The following MAP4K3 variants were observed in gnomAD, a reference collection of about 807,000 sequenced individuals.
MAP4K3 encodes the protein MAPK/ERK kinase kinase kinase 3.
A neutral mutation model predicts 143.5 loss-of-function variants in MAP4K3; 94 were observed. The observed-to-expected ratio is 0.65, with a 90% CI of 0.55 to 0.78. The LOEUF is 0.78. MAP4K3 is among the 30% of genes least tolerant of loss of function. The probability of loss-of-function intolerance (pLI) is 0.00; values close to 1 mark genes in which losing one functional copy is unlikely to be tolerated. For missense variants in MAP4K3, 1,077 were observed against 1,068.1 expected, an observed-to-expected ratio of 1.01 and a Z score of -0.12; for synonymous variants, 416 against 347.2, an observed-to-expected ratio of 1.20 and a Z score of -2.20.
intron 12 of MAP4K3, 143 bp downstream of exon 12, chr2:39,325,375 G>A: frequency 2.0e-6 from 1 of 503,636 alleles, no homozygotes; most frequent in Non-Finnish European, 3.5e-6. Flanking sequence ...CAAAGACAAA[G>A]AATTAATTGT....
chr2:39,405,458 A>G (rs1667069430), intron 1 of MAP4K3, among the ~76,000 whole-genome samples: 1 of 152,184 alleles, frequency 6.6e-6, no homozygotes, highest in African/African-American at 2.4e-5. Flanking sequence ...ACAAATACAA[A>G]CAAGCCCAGA....
At chr2:39,426,664 T>G (rs1411344798) in intron 1 of MAP4K3, among the ~76,000 whole-genome samples, 1 of 152,116 alleles carries the variant, frequency 6.6e-6, no homozygotes, top group Non-Finnish European at 1.5e-5. Context: ...TATTTTATTT[T>G]TATTATTCTC....
At chr2:39,333,598 T>TA (rs1683752427) in intron 6 of MAP4K3, 24 bp from the exon 7 acceptor site, 1 of 1,439,848 alleles carries the variant, frequency 6.9e-7, no homozygotes, top group Non-Finnish European at 9.8e-7. Context: ...ATATTTTAGT[T>TA]AGAGTAGGAA....
At chr2:39,399,699 G>C (rs566205308) in intron 1 of MAP4K3, among the ~76,000 whole-genome samples, 11 of 152,296 alleles carry the variant, frequency 7.2e-5, no homozygotes, top group Non-Finnish European at 1.3e-4. Context: ...ATGACTTTTA[G>C]AGAATCAGAA....
intron 15 of MAP4K3, among the ~76,000 whole-genome samples, chr2:39,301,790 C>T (rs1329603192): frequency 5.3e-5 from 8 of 152,094 alleles, no homozygotes; most frequent in African/African-American, 1.4e-4. Flanking sequence ...TCGGGAGGGC[C>T]GAGGCGGGCG....
intron 2 of MAP4K3, among the ~76,000 whole-genome samples, chr2:39,369,734 A>G (rs1468361290): frequency 2.6e-5 from 4 of 152,198 alleles, no homozygotes; most frequent in East Asian, 1.9e-4. Context: ...CCCACCAAAT[A>G]TAAGTTAGGC....
chr2:39,336,933 T>C lies in MAP4K3; in HGVS notation c.401A>G (p.His134Arg), dbSNP rs1310651901. The C allele has an allele frequency of 7.7e-7, 1 of 1,300,364 alleles. No homozygotes were observed. The highest frequency in any genetic ancestry group is 1.1e-6 in the Non-Finnish European group (1 of 928,134). The allele number at this position is 1,300,364 out of a possible 1,614,324, so 80.6% of individuals were successfully genotyped here. Residue 134 changes from histidine (H) to arginine (R), a missense_variant, in exon 6 of 34, where the codon CAC becomes CGC. His to Arg is a conservative substitution (Grantham distance 29). Around this residue, in one of 2 missense-constraint regions of MAP4K3, gnomAD observed 213 missense variants for 266.8 expected, o/e 0.80. Coordinates refer to ENST00000263881, the MANE Select transcript of MAP4K3 (RefSeq NM_003618.4). ...LYYLHSKGKMHRDIKGANILL... is the reference protein window; with the variant it reads ...LYYLHSKGKMRRDIKGANILL... Reference sequence around the variant, plus strand: ...TATAATGTATACCTTTATATCTCTGTGCATTTTTCCTTTACTGTGAAGATA... The same window carrying C: ...TATAATGTATACCTTTATATCTCTGCGCATTTTTCCTTTACTGTGAAGATA...
intron 26 of MAP4K3, among the ~76,000 whole-genome samples, chr2:39,269,669 A>G (rs1680930736): frequency 6.6e-6 from 1 of 152,072 alleles, no homozygotes; most frequent in Admixed American, 6.6e-5. Flanking sequence ...TAAGCTGTCA[A>G]AAACTGTTAC....
intron 21 of MAP4K3, among the ~76,000 whole-genome samples, chr2:39,284,661 T>C (rs1207170904): frequency 1.3e-5 from 2 of 151,524 alleles, no homozygotes; most frequent in Non-Finnish European, 2.9e-5. Context: ...CTGACCAACA[T>C]GGTGAAACTC....
intron 13 of MAP4K3, among the ~76,000 whole-genome samples, chr2:39,310,821 T>C (rs893786742): frequency 6.6e-6 from 1 of 152,220 alleles, no homozygotes; most frequent in Admixed American, 6.5e-5. Context: ...TTTTCTTTTT[T>C]GATTTGCATT....
chr2:39,415,980 A>AAATAT (rs1553318573), intron 1 of MAP4K3, among the ~76,000 whole-genome samples: 2 of 14,758 alleles, frequency 1.4e-4, no homozygotes, highest in Non-Finnish European at 2.9e-4. Flanking sequence ...AAAAAAAAAA[A>AAATAT]ATATATATAT....
At chr2:39,299,891 G>C in intron 15 of MAP4K3, 90 bp from the exon 16 acceptor site, 1 of 485,248 alleles carries the variant, frequency 2.1e-6, no homozygotes, top group Admixed American at 4.2e-5. Context: ...ATTTTTAAAA[G>C]ATAAGTCCCA....
chr2:39,260,574 T>TGGTACCAGTATATG, intron 29 of MAP4K3, 32 bp downstream of exon 29: 1 of 1,591,686 alleles, frequency 6.3e-7, no homozygotes, highest in African/African-American at 1.3e-5. Context: ...AGTATATGTA[T>TGGTACCAGTATATG]TACCCTTAAT....
chr2:39,255,744 T>A (rs1285769214), intron 31 of MAP4K3, among the ~76,000 whole-genome samples: 1 of 152,246 alleles, frequency 6.6e-6, no homozygotes, highest in Non-Finnish European at 1.5e-5. Context: ...CAGGCTGGTC[T>A]TGAAATCCTG....
chr2:39,422,605 C>T (rs984351044), intron 1 of MAP4K3, among the ~76,000 whole-genome samples: 4 of 152,054 alleles, frequency 2.6e-5, no homozygotes, highest in Admixed American at 1.3e-4. Flanking sequence ...CAGAAACAGA[C>T]CCACACAAAT....
chr2:39,258,693 T>A, intron 29 of MAP4K3, 106 bp from the exon 30 acceptor site: 1 of 834,570 alleles, frequency 1.2e-6, no homozygotes, highest in Non-Finnish European at 2.0e-6. Flanking sequence ...GAAACGGATA[T>A]GTCTTCTGTA....
intron 24 of MAP4K3, among the ~76,000 whole-genome samples, chr2:39,276,937 C>T (rs1681280595): frequency 1.3e-5 from 2 of 152,200 alleles, no homozygotes; most frequent in African/African-American, 4.8e-5. Flanking sequence ...AATGGCTGCA[C>T]AACGCTGTGA....
At chr2:39,389,903 A>T (rs2148593998) in intron 1 of MAP4K3, among the ~76,000 whole-genome samples, 1 of 152,344 alleles carries the variant, frequency 6.6e-6, no homozygotes, top group East Asian at 1.9e-4. Context: ...TGCAATTTTT[A>T]AAAAACTAGA....
Position 39,337,523 on chromosome 2 carries a change from T to C in MAP4K3, c.366+3A>G. ...GTTATTTTTGAATTAGCACTTGATT[T>C]ACCTGCAGTGTTTCTCTGCTAACAT... On this transcript the variant is annotated splice_donor_region_variant and intron_variant, in intron 5 of 33. Coordinates refer to ENST00000263881, the MANE Select transcript of MAP4K3 (RefSeq NM_003618.4). The C allele has an allele frequency of 6.2e-7, 1 of 1,608,484 alleles. No individual in the cohort carries two copies. The highest frequency in any genetic ancestry group is 1.3e-5 in the African/African-American group (1 of 74,942).
Sources: gnomAD v4.1 joint callset for allele counts (sites outside exome capture counted in the v4.1 genomes callset) on GRCh38, gnomAD v4.1.1 for gene constraint, gnomAD v4.1.1 regional missense constraint, MANE v1.5 for transcripts, NCBI Gene and HGNC (gene_info 2026-07-23, HGNC 2026-07-21) for gene names.